GRIA4: variants seen among roughly 807,000 people sequenced by gnomAD.
GRIA4 encodes glutamate ionotropic receptor AMPA type subunit 4.
Under a neutral mutation model 104.0 loss-of-function variants are expected in GRIA4, and 34 were observed. The ratio of observed to expected loss-of-function variants is 0.33; its 90% CI spans 0.25 to 0.44. The LOEUF (loss-of-function observed/expected upper bound fraction) is 0.44, where lower values mean the gene tolerates loss of function less well. Ranked by LOEUF, GRIA4 falls within the 20% of genes least tolerant of loss-of-function variation. The pLI is 1.00. For synonymous variants in GRIA4, 386 were observed against 381.9 expected (o/e 1.01, Z -0.13); for missense variants, 750 against 1,096.5 (o/e 0.68, Z 4.46).
chr11:105,647,558 A>G (rs377191571), intron 3 of GRIA4, among the ~76,000 whole-genome samples: 25 of 152,336 alleles, frequency 1.6e-4, no homozygotes, highest in African/African-American at 6.0e-4. Context: ...CCCATCAGTG[A>G]CAGACTGGAT....
chr11:105,695,979 A>G (rs952777263), intron 3 of GRIA4, among the ~76,000 whole-genome samples: 1 of 152,192 alleles, frequency 6.6e-6, no homozygotes, highest in African/African-American at 2.4e-5. Context: ...AAGAAGGCAA[A>G]CAAGCACTTC....
chr11:105,786,961 A>G (rs1941994620), intron 4 of GRIA4, among the ~76,000 whole-genome samples: 3 of 152,164 alleles, frequency 2.0e-5, no homozygotes, highest in Non-Finnish European at 2.9e-5. Context: ...CCCCATGGAG[A>G]CAGGCATTGT....
intron 4 of GRIA4, among the ~76,000 whole-genome samples, chr11:105,793,676 T>C (rs1465259607): frequency 1.3e-5 from 2 of 152,190 alleles, no homozygotes; most frequent in Admixed American, 1.3e-4. Context: ...TGGAGAACTT[T>C]AGCTCTACCA....
chr11:105,927,013 C>T (rs1296424023), intron 13 of GRIA4, 74 bp downstream of exon 13: 30 of 927,184 alleles, frequency 3.2e-5, no homozygotes, highest in Middle Eastern at 4.8e-4. Flanking sequence ...ACAATTATAC[C>T]ATGGGCTTTA....
chr11:105,688,938 T>C (rs891280055), intron 3 of GRIA4, among the ~76,000 whole-genome samples: 14 of 151,970 alleles, frequency 9.2e-5, no homozygotes, highest in African/African-American at 2.2e-4. Context: ...TGATGAGACA[T>C]ATAAGTTGAC....
intron 4 of GRIA4, among the ~76,000 whole-genome samples, chr11:105,835,473 A>T (rs1455930229): frequency 6.6e-6 from 1 of 152,096 alleles, no homozygotes; most frequent in Non-Finnish European, 1.5e-5. Context: ...TAAGCTGTGA[A>T]TGCAACAGTA....
chr11:105,929,257 T>C (rs1947804356), intron 13 of GRIA4, among the ~76,000 whole-genome samples: 1 of 151,990 alleles, frequency 6.6e-6, no homozygotes, highest in Non-Finnish European at 1.5e-5. Flanking sequence ...CATTTTCTCA[T>C]AGGAACACAA....
chr11:105,643,479 T>G (rs1951429852), intron 3 of GRIA4, among the ~76,000 whole-genome samples: 1 of 152,170 alleles, frequency 6.6e-6, no homozygotes, highest in Non-Finnish European at 1.5e-5. Context: ...TACCCCATGT[T>G]TCTTTATGAT....
chr11:105,945,242 T>C (rs1317897312), intron 14 of GRIA4, among the ~76,000 whole-genome samples: 2 of 152,160 alleles, frequency 1.3e-5, no homozygotes, highest in African/African-American at 4.8e-5. Context: ...GTATTAGAGC[T>C]CTCTGGCAAG....
At chr11:105,973,725 A>C (rs1858821274) in intron 15 of GRIA4, among the ~76,000 whole-genome samples, 1 of 152,108 alleles carries the variant, frequency 6.6e-6, no homozygotes, top group South Asian at 2.1e-4. Flanking sequence ...TCCCTTGTAG[A>C]TGTAACTGAA....
At chr11:105,746,643 C>T (rs769617391) in intron 3 of GRIA4, among the ~76,000 whole-genome samples, 3 of 152,056 alleles carry the variant, frequency 2.0e-5, no homozygotes, top group Non-Finnish European at 4.4e-5. Flanking sequence ...CAAAGACCTC[C>T]AGTTCCATAG....
At chr11:105,893,261 T>C (rs894978109) in intron 6 of GRIA4, among the ~76,000 whole-genome samples, 1 of 152,106 alleles carries the variant, frequency 6.6e-6, no homozygotes, top group Admixed American at 6.5e-5. Context: ...TTTATTACAA[T>C]GTTGCCCAGG....
At chr11:105,963,627 T>C (rs1464098811) in intron 14 of GRIA4, among the ~76,000 whole-genome samples, 1 of 152,146 alleles carries the variant, frequency 6.6e-6, no homozygotes, top group East Asian at 1.9e-4. Context: ...ATTGGTCCAG[T>C]GTATAAAATT....
chr11:105,815,242 C>G lies in GRIA4; in HGVS notation c.488-46782C>G, dbSNP rs551916013. Among the ~76,000 whole-genome samples, 5 of 152,214 alleles carry G rather than the reference C, an allele frequency of 3.3e-5. No homozygotes were observed. The East Asian group carries it at 9.7e-4, about 29-fold the overall frequency. ...TTTTGCTTAAACCGGTATGATGAAT[C>G]AATGATTCTTGTCTAATAGAACCAT... On this transcript the variant is annotated intron_variant, in intron 4 of 16. Coordinates refer to ENST00000282499, the MANE Select transcript of GRIA4 (RefSeq NM_000829.4).
intron 4 of GRIA4, among the ~76,000 whole-genome samples, chr11:105,760,518 C>A (rs1177605957): frequency 6.6e-6 from 1 of 152,112 alleles, no homozygotes; most frequent in African/African-American, 2.4e-5. Flanking sequence ...ATGTACTTGA[C>A]AATTTTGTAG....
At chr11:105,827,716 A>G (rs930460622) in intron 4 of GRIA4, among the ~76,000 whole-genome samples, 2 of 152,074 alleles carry the variant, frequency 1.3e-5, no homozygotes, top group Non-Finnish European at 2.9e-5. Context: ...TTATGATTTC[A>G]TCACCAAAAG....
intron 3 of GRIA4, among the ~76,000 whole-genome samples, chr11:105,740,850 C>T (rs573700274): frequency 6.6e-5 from 10 of 152,170 alleles, no homozygotes; most frequent in African/African-American, 1.9e-4. Flanking sequence ...GGTTAGTAAG[C>T]GGTGCAGTGT....
chr11:105,669,347 T>C (rs1220027735), intron 3 of GRIA4, among the ~76,000 whole-genome samples: 2 of 151,866 alleles, frequency 1.3e-5, no homozygotes, highest in Non-Finnish European at 2.9e-5. Context: ...AATAGTCATA[T>C]ACTATGTCAT....
intron 3 of GRIA4, among the ~76,000 whole-genome samples, chr11:105,634,805 T>A (rs1207379359): frequency 6.6e-6 from 1 of 152,192 alleles, no homozygotes; most frequent in African/African-American, 2.4e-5. Flanking sequence ...GCTGCATGAT[T>A]TTGAAAATAA....
Sources: allele counts gnomAD v4.1 joint callset (sites outside exome capture counted in the v4.1 genomes callset), GRCh38; gene constraint gnomAD v4.1.1; transcripts MANE v1.5; gene names NCBI Gene and HGNC (gene_info 2026-07-23, HGNC 2026-07-21).